Variants in PRKX observed in about 807,000 individuals in gnomAD.
PRKX encodes protein kinase cAMP-dependent X-linked catalytic subunit.
PRKX carries 12 observed loss-of-function variants against 22.0 expected under a neutral mutation model. That is an observed-to-expected ratio of 0.54 (90% CI 0.35 to 0.88). The LOEUF is 0.88. Among genes scored for constraint, PRKX ranks in the 40% least tolerant of loss-of-function variants. The pLI is 0.01. For missense variants in PRKX, 217 were observed against 308.0 expected (o/e 0.70, Z 2.21); for synonymous variants, 134 against 137.7 (o/e 0.97, Z 0.19).
intron 1 of PRKX, among the ~76,000 whole-genome samples, chrX:3,690,300 C>T (rs144235942): frequency 4.5e-4 from 50 of 112,141 alleles, no homozygotes; most frequent in African/African-American, 1.6e-3. Flanking sequence ...CTGGTCTAGA[C>T]AGTTGGAAAC....
chrX:3,640,725 G>T (rs753045354), intron 4 of PRKX, among the ~76,000 whole-genome samples: 2 of 111,480 alleles, frequency 1.8e-5, no homozygotes, highest in African/African-American at 6.5e-5. Context: ...CTCCCAGACG[G>T]TTAAGGCATT....
chrX:3,696,022 C>T (rs1449894888), intron 1 of PRKX, among the ~76,000 whole-genome samples: 1 of 111,124 alleles, frequency 9.0e-6, no homozygotes, highest in African/African-American at 3.3e-5. Context: ...CCAAAATTCC[C>T]GTGTTGAATC....
intron 1 of PRKX, among the ~76,000 whole-genome samples, chrX:3,708,972 C>T (rs1193344613): frequency 1.8e-5 from 2 of 109,704 alleles, no homozygotes; most frequent in African/African-American, 3.3e-5. Context: ...CTGCACAGAA[C>T]TCTACACACA....
intron 7 of PRKX, among the ~76,000 whole-genome samples, chrX:3,614,479 C>A (rs558963915): frequency 8.9e-6 from 1 of 111,853 alleles, no homozygotes; most frequent in Non-Finnish European, 1.9e-5. Context: ...CAGAGCAAGA[C>A]GCTGTCTCAA....
intron 2 of PRKX, 71 bp from the exon 3 acceptor site, chrX:3,655,483 T>C (rs1927462046): frequency 8.7e-7 from 1 of 1,147,601 alleles, no homozygotes; most frequent in East Asian, 3.0e-5. Flanking sequence ...CAGCTAGGTG[T>C]TGGGGTACAG....
At chrX:3,640,770 G>A (rs1335158094) in intron 4 of PRKX, among the ~76,000 whole-genome samples, 2 of 111,848 alleles carry the variant, frequency 1.8e-5, no homozygotes, top group Admixed American at 9.5e-5. Context: ...GTCAGCACAA[G>A]ATACAGGTCA....
chrX:3,653,913 TATATATA>T (rs1183227873), intron 3 of PRKX, among the ~76,000 whole-genome samples: 47 of 73,985 alleles, frequency 6.4e-4, no homozygotes, highest in Non-Finnish European at 1.0e-3. Flanking sequence ...TACTATGTGA[TATATATA>T]ATATATATTA....
intron 1 of PRKX, among the ~76,000 whole-genome samples, chrX:3,702,530 G>A (rs1247282397): frequency 1.9e-5 from 2 of 105,960 alleles, no homozygotes; most frequent in Non-Finnish European, 3.9e-5. Context: ...AAATGGTAGC[G>A]TGGGTTGCAA....
intron 2 of PRKX, among the ~76,000 whole-genome samples, chrX:3,672,479 C>G (rs1292048458): frequency 1.8e-5 from 2 of 110,990 alleles, no homozygotes; most frequent in African/African-American, 6.6e-5. Context: ...TATTTTTTAA[C>G]TTGCGGGAGC....
chrX:3,610,683 A>T (rs1926277158), intron 8 of PRKX, among the ~76,000 whole-genome samples: 1 of 110,768 alleles, frequency 9.0e-6, no homozygotes, highest in African/African-American at 3.3e-5. Context: ...GAAATTGTTC[A>T]CTGATTATAT....
intron 4 of PRKX, among the ~76,000 whole-genome samples, chrX:3,635,744 C>A (rs771276503): frequency 9.8e-5 from 11 of 111,727 alleles, no homozygotes; most frequent in Non-Finnish European, 5.6e-5. Flanking sequence ...CATACAACCA[C>A]ACCCAGCTAG....
chrX:3,657,320 G>C (rs969209278), intron 2 of PRKX, among the ~76,000 whole-genome samples: 2 of 110,735 alleles, frequency 1.8e-5, no homozygotes, highest in African/African-American at 3.3e-5. Flanking sequence ...TCACTAGAAT[G>C]GGCCCTATTC....
chrX:3,709,048 C>T (rs779981255), intron 1 of PRKX, among the ~76,000 whole-genome samples: 1 of 108,049 alleles, frequency 9.3e-6, no homozygotes, highest in African/African-American at 3.4e-5. Flanking sequence ...GGCACGATGG[C>T]TCATGCCTGT....
At chrX:3,613,449 G>C (rs1188462921) in intron 7 of PRKX, among the ~76,000 whole-genome samples, 1 of 110,273 alleles carries the variant, frequency 9.1e-6, no homozygotes, top group Non-Finnish European at 1.9e-5. Flanking sequence ...TTTTAATATT[G>C]ACTTGGTTTT....
chrX:3,683,527 T>C (rs1221010735), intron 1 of PRKX, among the ~76,000 whole-genome samples: 2 of 111,098 alleles, frequency 1.8e-5, no homozygotes, highest in African/African-American at 6.5e-5. Context: ...GGAGCCGAGA[T>C]GAAAAACCAA....
Position 3,606,853 on chromosome X carries a change from C to CCAT in PRKX, c.*2113_*2115dup, listed in dbSNP as rs1926185225. ...GTGATGGTCCAAAGTGGGTTTCACA[C>CCAT]CATCACACGTTCTTGGAATCGCTTC... On this transcript the variant is annotated 3_prime_UTR_variant, in exon 9 of 9. Transcript: ENST00000262848. 8.9e-6 allele frequency: 1 copy of CCAT among 111,978 alleles called. No individual in the cohort carries two copies. Among genetic ancestry groups the CCAT allele is most frequent in the Non-Finnish European group, 1.9e-5 (1 of 53,263 alleles). 9.2% of individuals were successfully genotyped at this position (111,978 alleles called of 1,213,427 possible).
intron 4 of PRKX, chrX:3,641,458 C>A (rs1468608045): frequency 6.3e-6 from 1 of 159,021 alleles, no homozygotes; most frequent in Non-Finnish European, 1.2e-5. Context: ...ACTAAACAAG[C>A]GCAGAAGTGA....
chrX:3,670,077 G>C (rs1927817028), intron 2 of PRKX: 1 of 123,858 alleles, frequency 8.1e-6, no homozygotes, highest in African/African-American at 3.2e-5. Context: ...AGCCATAAAT[G>C]GGAGGCACCT....
chrX:3,612,668 C>CTCAG (rs752434194), intron 7 of PRKX, among the ~76,000 whole-genome samples: 65 of 109,793 alleles, frequency 5.9e-4, no homozygotes, highest in Non-Finnish European at 1.1e-4. Flanking sequence ...TGCCTGCAGT[C>CTCAG]TCAGCTACTC....
Sources: allele counts gnomAD v4.1 joint callset (sites outside exome capture counted in the v4.1 genomes callset), GRCh38; gene constraint gnomAD v4.1.1; transcripts MANE v1.5; gene names NCBI Gene and HGNC (gene_info 2026-07-23, HGNC 2026-07-21).